SERPINB8: variants seen among roughly 807,000 people sequenced by gnomAD.
SERPINB8 encodes serpin family B member 8.
SERPINB8 carries 25 observed loss-of-function variants against 35.3 expected under a neutral mutation model. That is an observed-to-expected ratio of 0.71 (90% CI 0.52 to 0.99). SERPINB8 has a LOEUF of 0.99. SERPINB8 is among the 50% of genes least tolerant of loss of function. The pLI is 0.00. For missense variants in SERPINB8, 484 were observed against 446.5 expected (o/e 1.08, Z -0.76); for synonymous variants, 186 against 160.8 (o/e 1.16, Z -1.19).
chr18:64,012,858 C>T (rs1025562900), intron 7 of SERPINB8, among the ~76,000 whole-genome samples: 3 of 152,068 alleles, frequency 2.0e-5, no homozygotes, highest in African/African-American at 7.2e-5. Flanking sequence ...GAAAGTGTGA[C>T]TAATTGGGCA....
At chr18:63,996,915 A>T (rs995976683) in intron 1 of SERPINB8, among the ~76,000 whole-genome samples, 1 of 152,128 alleles carries the variant, frequency 6.6e-6, no homozygotes, top group Non-Finnish European at 1.5e-5. Flanking sequence ...TTTTGATGGG[A>T]CCCAACTAAG....
downstream of SERPINB8, among the ~76,000 whole-genome samples, chr18:64,009,374 A>G (rs1260271631): frequency 2.6e-5 from 4 of 152,244 alleles, no homozygotes; most frequent in Non-Finnish European, 5.9e-5. Flanking sequence ...CAAAGGGCCA[A>G]AATAACCAAG....
intron 1 of SERPINB8, among the ~76,000 whole-genome samples, chr18:63,994,675 A>T (rs192343338): frequency 1.0e-3 from 157 of 152,306 alleles, no homozygotes; most frequent in African/African-American, 3.7e-3. Context: ...GACCCATGCC[A>T]TTGAAAAACA....
In SERPINB8 at chr18:63,985,262, G is replaced by A. The variant is rs1438081895; in HGVS notation, c.720+17G>A. 3.7e-6 allele frequency: 6 copies of A among 1,613,648 alleles called. No homozygotes were observed. Among genetic ancestry groups the A allele is most frequent in the Non-Finnish European group, 5.1e-6 (6 of 1,179,794 alleles). On this transcript the variant is annotated intron_variant, in intron 6 of 6. Transcript: ENST00000397985. ...CTCGCCGTGGTAAGCTCCAGGCAAT[G>A]AGCCTGAGTATCTGTGGAGTCCAGC... is the stretch of plus-strand genomic sequence containing the variant.
chr18:63,985,814 G>A (rs575551792), intron 6 of SERPINB8, among the ~76,000 whole-genome samples: 18 of 152,316 alleles, frequency 1.2e-4, no homozygotes, highest in African/African-American at 4.3e-4. Flanking sequence ...AGTCCAGGAA[G>A]GGAAGTGGTA....
chr18:63,984,970 C>A, intron 5 of SERPINB8, 123 bp from the exon 6 acceptor site: 1 of 870,438 alleles, frequency 1.1e-6, no homozygotes, highest in Non-Finnish European at 1.7e-6. Flanking sequence ...GATTTTATAT[C>A]TATCAGCATA....
intron 7 of SERPINB8, among the ~76,000 whole-genome samples, chr18:64,017,297 A>T (rs1438112798): frequency 6.6e-6 from 1 of 152,190 alleles, no homozygotes; most frequent in African/African-American, 2.4e-5. Context: ...TTCTATATGA[A>T]TTCTAGTGTA....
downstream of SERPINB8, chr18:64,005,773 G>A (rs1482131411): frequency 6.6e-6 from 1 of 152,224 alleles, no homozygotes; most frequent in East Asian, 1.9e-4. Flanking sequence ...ATCTCAGTCT[G>A]TGCTCAACTT....
At chr18:63,979,744 G>A in intron 2 of SERPINB8, 57 bp from the exon 3 acceptor site, 1 of 1,599,832 alleles carries the variant, frequency 6.3e-7, no homozygotes, top group Non-Finnish European at 8.5e-7. Flanking sequence ...TTTGGAGAAA[G>A]CTCTTTGGGA....
In SERPINB8 at chr18:63,985,179, G is replaced by C. The variant is rs1232231529; in HGVS notation, c.654G>C (p.Leu218=). ...ADEVHTQVLE[L]PYVEEELSMV... ...AGGTACACACCCAGGTCCTGGAGCT[G>C]CCCTATGTGGAAGAGGAGCTGAGCA... Residue 218 remains leucine, a synonymous_variant, in exon 6 of 7, where the codon CTG becomes CTC. Coordinates refer to ENST00000397985, the MANE Select transcript of SERPINB8 (RefSeq NM_002640.4). 1 of 1,614,080 alleles carries C rather than the reference G, an allele frequency of 6.2e-7. No individual in the cohort carries two copies. Among genetic ancestry groups the C allele is most frequent in the African/African-American group, 1.3e-5 (1 of 74,936 alleles).
chr18:63,993,325 T>G (rs1227778132), downstream of SERPINB8, among the ~76,000 whole-genome samples: 1 of 152,244 alleles, frequency 6.6e-6, no homozygotes, highest in Non-Finnish European at 1.5e-5. Context: ...ATGAATTATT[T>G]GAAAGTGTAA....
At chr18:63,972,664 G>A (rs983675887) in intron 1 of SERPINB8, among the ~76,000 whole-genome samples, 4 of 10,058 alleles carry the variant, frequency 4.0e-4, no homozygotes, top group African/African-American at 3.9e-4. Context: ...CACAGGCCCC[G>A]GTGTGTGATT....
At chr18:64,003,688 G>A (rs893001759) in intron 1 of SERPINB8, among the ~76,000 whole-genome samples, 2 of 152,300 alleles carry the variant, frequency 1.3e-5, no homozygotes, top group Middle Eastern at 3.4e-3. Flanking sequence ...TGAGAACCTG[G>A]AGAGCTGGTG....
downstream of SERPINB8, among the ~76,000 whole-genome samples, chr18:64,009,244 A>G (rs1477721229): frequency 6.6e-6 from 1 of 152,212 alleles, no homozygotes; most frequent in Non-Finnish European, 1.5e-5. Context: ...AAAGACCTTG[A>G]GTTGAAAAGT....
chr18:63,981,611 T>TA, intron 3 of SERPINB8, 110 bp from the exon 4 acceptor site: 4 of 737,558 alleles, frequency 5.4e-6, no homozygotes, highest in Admixed American at 4.5e-5. Flanking sequence ...AAGTGGAGTG[T>TA]GACCTGTCCA....
chr18:63,975,511 G>A (rs1371340069), intron 1 of SERPINB8, among the ~76,000 whole-genome samples: 1 of 152,136 alleles, frequency 6.6e-6, no homozygotes, highest in Non-Finnish European at 1.5e-5. Context: ...TAAGTATAGA[G>A]TACTGTTGTG....
At chr18:63,973,564 C>T (rs2050528225) in intron 1 of SERPINB8, among the ~76,000 whole-genome samples, 1 of 152,180 alleles carries the variant, frequency 6.6e-6, no homozygotes, top group African/African-American at 2.4e-5. Flanking sequence ...GAAGTCCTTG[C>T]CCATGGCTAT....
intron 7 of SERPINB8, among the ~76,000 whole-genome samples, chr18:64,017,416 A>AAG (rs1031718044): frequency 6.6e-6 from 1 of 152,210 alleles, no homozygotes; most frequent in Non-Finnish European, 1.5e-5. Flanking sequence ...TCCATCAAGG[A>AAG]AGAGAGACAA....
At chr18:63,984,419 A>T (rs12961804) in intron 5 of SERPINB8, among the ~76,000 whole-genome samples, 9 of 152,230 alleles carry the variant, frequency 5.9e-5, no homozygotes, top group Admixed American at 5.2e-4. Context: ...TCAAAGTTAT[A>T]CAATCCTGAG....
Sources: allele counts gnomAD v4.1 joint callset (sites outside exome capture counted in the v4.1 genomes callset), GRCh38; gene constraint gnomAD v4.1.1; transcripts MANE v1.5; gene names NCBI Gene and HGNC (gene_info 2026-07-23, HGNC 2026-07-21).